C2CD3: variants seen among roughly 807,000 people sequenced by gnomAD.
C2CD3 encodes the protein C2 domain-containing protein 3.
C2CD3 carries 148 observed loss-of-function variants against 234.0 expected under a neutral mutation model. The observed-to-expected ratio is 0.63, with a 90% confidence interval of 0.55 to 0.72. The LOEUF is 0.72. C2CD3 is among the 30% of genes least tolerant of loss of function. The pLI is 0.00. For synonymous variants in C2CD3, 1,000 were observed against 1,035.4 expected (o/e 0.97, Z 0.66); for missense variants, 2,577 against 2,811.5 (o/e 0.92, Z 1.89).
At chr11:74,114,215 C>G (rs1956850645) in intron 10 of C2CD3, among the ~76,000 whole-genome samples, 169 bp downstream of exon 10, 1 of 145,752 alleles carries the variant, frequency 6.9e-6, no homozygotes, top group South Asian at 2.1e-4. Context: ...TAGTCCCATA[C>G]TTACTTACAC....
At chr11:74,020,848 G>A (rs1952056747) in intron 32 of C2CD3, among the ~76,000 whole-genome samples, 1 of 152,222 alleles carries the variant, frequency 6.6e-6, no homozygotes, top group Non-Finnish European at 1.5e-5. Context: ...GGAAGGTTCT[G>A]AGCAGAGAAG....
intron 3 of C2CD3, among the ~76,000 whole-genome samples, chr11:74,158,653 C>T (rs985860104): frequency 1.3e-5 from 2 of 151,160 alleles, no homozygotes; most frequent in Non-Finnish European, 2.9e-5. Context: ...ACCCGGGAGG[C>T]GGAGGTTGTG....
intron 20 of C2CD3, among the ~76,000 whole-genome samples, chr11:74,087,805 T>C (rs1955708505): frequency 6.6e-6 from 1 of 152,162 alleles, no homozygotes. Flanking sequence ...GGATATATAG[T>C]AGTGAAGTAG....
chr11:74,048,271 G>A lies in C2CD3; in HGVS notation c.5429C>T (p.Ala1810Val). 1 of 1,613,714 alleles carries A rather than the reference G, an allele frequency of 6.2e-7. No homozygotes were observed. The highest frequency in any genetic ancestry group is 8.5e-7 in the Non-Finnish European group (1 of 1,179,752). Residue 1810 changes from alanine (A) to valine (V), a missense_variant, in exon 28 of 33, where the codon GCA becomes GTA. By Grantham distance (64) the Ala-to-Val change is moderately conservative. Transcript: ENST00000334126. Reference protein sequence around the residue: ...DTYAAFSSHMARQTLDQLAHA... With the variant: ...DTYAAFSSHMVRQTLDQLAHA... Reference sequence around the variant, plus strand: ...AGCAAGTTGGTCTAGGGTCTGCCTTGCCATGTGGCTGGAGAATGCAGCATA... The same window carrying A: ...AGCAAGTTGGTCTAGGGTCTGCCTTACCATGTGGCTGGAGAATGCAGCATA...
Position 74,033,694 on chromosome 11 carries a change from A to G in C2CD3, c.6466T>C (p.Cys2156Arg). The G allele has an allele frequency of 6.5e-7, 1 of 1,536,240 alleles. No homozygotes were observed. The highest frequency in any genetic ancestry group is 1.4e-5 in the African/African-American group (1 of 73,130). Reference protein sequence around the residue: ...SPSQSLVACECEASKARVGGE... With the variant: ...SPSQSLVACEREASKARVGGE... ...CCAACCCTGGCCTTAGAGGCCTCAC[A>G]CTCACAAGCAACAAGACTTTGGCTA... Residue 2156 changes from cysteine (C) to arginine (R), a missense_variant, in exon 31 of 33, where the codon TGT becomes CGT. Cys to Arg is a radical substitution (Grantham distance 180). Transcript: ENST00000334126.
intron 24 of C2CD3, among the ~76,000 whole-genome samples, chr11:74,069,806 T>C (rs879729166): frequency 6.6e-6 from 1 of 152,208 alleles, no homozygotes; most frequent in African/African-American, 2.4e-5. Context: ...CAATGTCCAA[T>C]TTTTTATGTT....
intron 31 of C2CD3, among the ~76,000 whole-genome samples, chr11:74,031,584 C>T (rs986235541): frequency 6.6e-6 from 1 of 152,222 alleles, no homozygotes; most frequent in Admixed American, 6.5e-5. Flanking sequence ...CATCACAGTA[C>T]TTGGCACAAT....
At chr11:74,090,275 T>A (rs1001923522) in intron 20 of C2CD3, among the ~76,000 whole-genome samples, 1 of 152,168 alleles carries the variant, frequency 6.6e-6, no homozygotes, top group African/African-American at 2.4e-5. Context: ...ACGCCTGTAA[T>A]CCCAGCACTT....
chr11:74,168,301 T>G (rs773336219), intron 2 of C2CD3, 43 bp downstream of exon 2: 1 of 1,523,734 alleles, frequency 6.6e-7, no homozygotes, highest in South Asian at 1.1e-5. Flanking sequence ...AACCACATGC[T>G]TTGTATTACG....
intron 30 of C2CD3, 97 bp from the exon 31 acceptor site, chr11:74,034,375 C>G: frequency 1.3e-6 from 2 of 1,482,084 alleles, no homozygotes; most frequent in Non-Finnish European, 1.8e-6. Context: ...CTATGGCAAT[C>G]AGACTCTGAA....
rs752299884 is a variant in C2CD3, at chr11:74,106,411, A to C, written c.2045T>G (p.Val682Gly). 2.5e-6 allele frequency: 4 copies of C among 1,614,038 alleles called. No individual in the cohort carries two copies. Reference sequence around the variant, plus strand: ...TGGAGACTGACCATTTTCTTGTTGCACTGGAAGCTGATCACTGAAAGAAAG... The same window carrying C: ...TGGAGACTGACCATTTTCTTGTTGCCCTGGAAGCTGATCACTGAAAGAAAG... ...ELLSFSDQLP[V>G]QQENGQSPFG... Residue 682 changes from valine (V) to glycine (G), a missense_variant, in exon 13 of 33, where the codon GTG becomes GGG. Val to Gly is a moderately radical substitution (Grantham distance 109). Transcript: ENST00000334126.
At chr11:74,077,386 GA>G (rs1276439119) in intron 23 of C2CD3, among the ~76,000 whole-genome samples, 1 of 151,968 alleles carries the variant, frequency 6.6e-6, no homozygotes, top group African/African-American at 2.4e-5. Flanking sequence ...GACCTATGTT[GA>G]CCTCACCACA....
chr11:74,061,506 A>G (rs1175126267), intron 24 of C2CD3, among the ~76,000 whole-genome samples: 1 of 152,254 alleles, frequency 6.6e-6, no homozygotes, highest in Non-Finnish European at 1.5e-5. Flanking sequence ...TCAACCCAGA[A>G]TTTCATATCC....
intron 26 of C2CD3, among the ~76,000 whole-genome samples, chr11:74,051,264 C>T (rs368196321): frequency 8.6e-5 from 13 of 150,860 alleles, no homozygotes; most frequent in African/African-American, 2.5e-4. Flanking sequence ...CACTGCACTC[C>T]GGCCTGGGAA....
At chr11:74,026,169 G>T (rs1186787483) in intron 32 of C2CD3, among the ~76,000 whole-genome samples, 2 of 152,168 alleles carry the variant, frequency 1.3e-5, no homozygotes, top group Non-Finnish European at 2.9e-5. Flanking sequence ...TTAGCTGGTT[G>T]TGGTGGTGCA....
chr11:74,077,985 G>C, intron 23 of C2CD3, 130 bp downstream of exon 23: 1 of 1,062,440 alleles, frequency 9.4e-7, no homozygotes, highest in East Asian at 2.5e-5. Flanking sequence ...AATGTAAAAT[G>C]GGTATAATAC....
intron 28 of C2CD3, among the ~76,000 whole-genome samples, chr11:74,045,077 C>G (rs1440807788): frequency 1.3e-5 from 2 of 152,068 alleles, no homozygotes; most frequent in Non-Finnish European, 2.9e-5. Flanking sequence ...ATATGTGACC[C>G]ATTTGAAGTT....
intron 3 of C2CD3, among the ~76,000 whole-genome samples, chr11:74,157,006 C>T (rs1246433592): frequency 6.6e-6 from 1 of 152,156 alleles, no homozygotes; most frequent in Non-Finnish European, 1.5e-5. Flanking sequence ...TTACCTAGAA[C>T]ATTGTACTCC....
chr11:74,082,154 G>A (rs1400434651), intron 22 of C2CD3, among the ~76,000 whole-genome samples: 7 of 146,054 alleles, frequency 4.8e-5, no homozygotes, highest in East Asian at 2.0e-4. Flanking sequence ...ACGGAGTCTC[G>A]GTCTGTCGCC....
Sources: allele counts gnomAD v4.1 joint callset (sites outside exome capture counted in the v4.1 genomes callset), GRCh38; gene constraint gnomAD v4.1.1; transcripts MANE v1.5; gene names NCBI Gene and HGNC (gene_info 2026-07-23, HGNC 2026-07-21).